MCRIP2: variants seen among roughly 807,000 people sequenced by gnomAD.
MCRIP2 encodes the protein MAPK regulated corepressor interacting protein 2, also known as MAPK regulated co-repressor interacting protein 2.
In MCRIP2, 21 loss-of-function variants were observed where a neutral mutation model predicts 23.2. That is an observed-to-expected ratio of 0.90 (90% CI 0.64 to 1.30). The LOEUF is 1.30. Ranked by LOEUF, MCRIP2 falls within the 50% of genes most tolerant of loss-of-function variation. The pLI is 0.00. For missense variants in MCRIP2, 234 were observed against 223.2 expected (o/e 1.05, Z -0.31); for synonymous variants, 121 against 100.2 (o/e 1.21, Z -1.24).
At chr16:645,059 G>C (rs922431698) in intron 2 of MCRIP2, 2 of 151,898 alleles carry the variant, frequency 1.3e-5, no homozygotes, top group Non-Finnish European at 2.9e-5. Context: ...TCCGGGTTCA[G>C]GCCATTCTCC....
rs893213874 is a variant in MCRIP2 at position 641,875 on chromosome 16, C to T, written c.-117C>T. 4.2e-6 allele frequency: 4 copies of T among 955,840 alleles called. No homozygotes were observed. In the African/African-American group the frequency reaches 6.9e-5, roughly 16 times the overall value. The allele number at this position is 955,840 out of a possible 1,614,324, so 59.2% of individuals were successfully genotyped here. A position where few individuals can be genotyped will look rare whatever the true frequency, so the allele number is the denominator to read the frequency against. On this transcript the variant is annotated 5_prime_UTR_variant, in exon 1 of 5. Transcript: ENST00000307650. ...GAGCCCGTGCGGGCCCTTTAAGGGC[C>T]GGGGGCGTGTAGCGGGCCCGCCCCC...
intron 2 of MCRIP2, chr16:643,196 A>C (rs545729475): frequency 6.6e-6 from 1 of 152,302 alleles, no homozygotes; most frequent in East Asian, 1.9e-4. Context: ...GTGGGCCCCT[A>C]GGTGCTTCCA....
Position 642,176 on chromosome 16 carries a change from C to A in MCRIP2, c.109C>A (p.Pro37Thr). Residue 37 changes from proline to threonine, a missense_variant, in exon 2 of 5, where the codon CCC (proline) becomes ACC (threonine). By Grantham distance (38) the Pro-to-Thr change is conservative (BLOSUM62 -1). Coordinates refer to ENST00000307650, the MANE Select transcript of MCRIP2 (RefSeq NM_138418.4). The stretch of plus-strand genomic sequence containing the variant: ...CGGCGAGCTCCTGAAATGCCGGCAG[C>A]CCGCGCCGCCGACCTCGCAGCCCCC... The part of the protein sequence containing the change: ...RLGELLKCRQ[P>T]APPTSQPPRA... 7.4e-7 allele frequency: 1 copy of A among 1,343,902 alleles called. No homozygotes were observed. The highest frequency in any genetic ancestry group is 1.7e-5 in the South Asian group (1 of 57,482). 83.2% of individuals were successfully genotyped at this position (1,343,902 alleles called of 1,614,324 possible).
chr16:644,961 T>C (rs1285369178), intron 2 of MCRIP2, among the ~76,000 whole-genome samples: 1 of 151,976 alleles, frequency 6.6e-6, no homozygotes, highest in African/African-American at 2.4e-5. Context: ...GTTTTTTTAA[T>C]TTTTATTTTT....
chr16:642,294 C>T, intron 2 of MCRIP2, 45 bp downstream of exon 2: 1 of 1,144,602 alleles, frequency 8.7e-7, no homozygotes, highest in Non-Finnish European at 1.1e-6. Flanking sequence ...GGCTTCCCCT[C>T]CCCCGCCGGC....
chr16:642,473 G>A, intron 2 of MCRIP2: 2 of 287,132 alleles, frequency 7.0e-6, no homozygotes. Context: ...GGCCCCCAGC[G>A]GGGAGAAAGC....
rs752837419 is a variant in MCRIP2 at position 647,436 on chromosome 16, T to A, written c.202T>A (p.Phe68Ile). ...PLSSPGPRLV[F>I]NRVNGRRAPS... ...CTGCAGTCCAGGGCCAAGGCTTGTG[T>A]TCAATCGTGTGAATGGCCGGCGGGC... The change falls in exon 3 of 5, where the codon TTC (phenylalanine) becomes ATC (isoleucine). Residue 68 changes from phenylalanine to isoleucine, a missense_variant. Physicochemically the swap from Phe to Ile is conservative, Grantham distance 21. Transcript: ENST00000307650. The A allele has an allele frequency of 1.7e-5, 28 of 1,613,148 alleles. No individual in the cohort carries two copies. The highest frequency in any genetic ancestry group is 2.4e-5 in the Non-Finnish European group (28 of 1,179,938).
rs569363731 is a variant in MCRIP2 at position 646,555 on chromosome 16, T to C, written c.183-862T>C. The C allele has an allele frequency of 6.6e-6, 1 of 152,286 alleles. No individual in the cohort carries two copies. Among genetic ancestry groups the C allele is most frequent in the African/African-American group, 2.4e-5 (1 of 41,526 alleles). 9.4% of individuals were successfully genotyped at this position (152,286 alleles called of 1,614,324 possible). ...GCAACAGGCCGGCCGGGACCGCGAGTGCCTGGCGGAGCAGGCGCAGCCCAG... is the reference window on the plus strand; with the variant it reads ...GCAACAGGCCGGCCGGGACCGCGAGCGCCTGGCGGAGCAGGCGCAGCCCAG... On this transcript the variant is annotated intron_variant, in intron 2 of 4. Transcript: ENST00000307650. This position sits in a 1 kb window ranked among gnomAD's most constrained non-coding sequence, Gnocchi z 6.5.
intron 2 of MCRIP2, 166 bp downstream of exon 2, chr16:642,415 C>T (rs1184042140): frequency 6.5e-5 from 36 of 551,128 alleles, no homozygotes; most frequent in Middle Eastern, 6.6e-4. Context: ...GCCCACTACG[C>T]GCCCGCGGGC....
intron 3 of MCRIP2, 69 bp from the exon 4 acceptor site, chr16:647,714 A>G: frequency 6.6e-7 from 1 of 1,504,844 alleles, no homozygotes; most frequent in South Asian, 1.2e-5. Flanking sequence ...GTCCAGGGTG[A>G]CCATCAGGCC....
At chr16:644,516 T>C (rs1260411617) in intron 2 of MCRIP2, among the ~76,000 whole-genome samples, 1 of 152,090 alleles carries the variant, frequency 6.6e-6, no homozygotes, top group Non-Finnish European at 1.5e-5. Context: ...CAATCATGGC[T>C]CACTGCAGCC....
rs1046331624 is a variant in MCRIP2 at position 648,392 on chromosome 16, C to G, written c.*202C>G. Reference sequence around the variant, plus strand: ...GGGCCGAACCCGTCTGACCTCAGCCCTGCTCACTGTGCCCAGGGACCAGCG... The same window carrying G: ...GGGCCGAACCCGTCTGACCTCAGCCGTGCTCACTGTGCCCAGGGACCAGCG... On this transcript the variant is annotated 3_prime_UTR_variant, in exon 5 of 5. Transcript: ENST00000307650. The G allele has an allele frequency of 1.7e-6, 1 of 605,510 alleles. No individual in the cohort carries two copies. Among genetic ancestry groups the G allele is most frequent in the African/African-American group, 1.9e-5 (1 of 53,894 alleles). The allele number at this position is 605,510 out of a possible 1,614,324, so 37.5% of individuals were successfully genotyped here. A position where few individuals can be genotyped will look rare whatever the true frequency, so the allele number is the denominator to read the frequency against.
chr16:647,170 C>T lies in MCRIP2; in HGVS notation c.183-247C>T, dbSNP rs1400688155. The T allele has an allele frequency of 2.6e-5, 15 of 580,636 alleles. No homozygotes were observed. In the South Asian group the frequency reaches 2.9e-4, roughly 11 times the overall value. The allele number at this position is 580,636 out of a possible 1,614,324, so 36.0% of individuals were successfully genotyped here. On this transcript the variant is annotated intron_variant, in intron 2 of 4. Transcript: ENST00000307650. The stretch of plus-strand genomic sequence containing the variant: ...GACACTCTAAGACTGAGGCCCCCAC[C>T]CTACAGTCACTCACTTCCCTCAGGA...
At chr16:647,172 TAC>T in intron 2 of MCRIP2, 1 of 580,942 alleles carries the variant, frequency 1.7e-6, no homozygotes, top group Non-Finnish European at 3.1e-6. Context: ...GCCCCCACCC[TAC>T]AGTCACTCAC....
chr16:647,906 C>T, intron 4 of MCRIP2, 22 bp downstream of exon 4: 1 of 1,358,760 alleles, frequency 7.4e-7, no homozygotes, highest in Non-Finnish European at 1.0e-6. Context: ...AACCCTGTCC[C>T]CCCAGGAGAG....
Position 641,832 on chromosome 16 carries a change from C to A in MCRIP2, c.-160C>A. The A allele has an allele frequency of 1.7e-6, 1 of 587,000 alleles. No homozygotes were observed. Among genetic ancestry groups the A allele is most frequent in the Non-Finnish European group, 2.5e-6 (1 of 407,242 alleles). 36.4% of individuals were successfully genotyped at this position (587,000 alleles called of 1,614,324 possible). On this transcript the variant is annotated 5_prime_UTR_variant, in exon 1 of 5. Transcript: ENST00000307650. Reference sequence around the variant, plus strand: ...AAGGGCGCAAGCGCCGCCTCCGCCGCGTGTCCGGGGTCAGCCCGAGCCCGT... The same window carrying A: ...AAGGGCGCAAGCGCCGCCTCCGCCGAGTGTCCGGGGTCAGCCCGAGCCCGT...
At chr16:644,227 G>T (rs557734790) in intron 2 of MCRIP2, among the ~76,000 whole-genome samples, 1 of 152,176 alleles carries the variant, frequency 6.6e-6, no homozygotes, top group African/African-American at 2.4e-5. Context: ...GATTACAGGC[G>T]TGCACTGCCA....
chr16:643,992 G>C (rs1321740361), intron 2 of MCRIP2, among the ~76,000 whole-genome samples: 1 of 152,156 alleles, frequency 6.6e-6, no homozygotes, highest in Admixed American at 6.5e-5. Context: ...CCCACCCCCA[G>C]GCCCCAGCGC....
Position 648,141 on chromosome 16 carries a change from A to T in MCRIP2, c.434A>T (p.Asp145Val), listed in dbSNP as rs1318495881. The stretch of plus-strand genomic sequence containing the variant: ...ACAGACTTTGTGCCCATTGACCTAG[A>T]CGAGTGGTGGGCGCAGCAGTTCCTG... ...RLQNFVPIDL[D>V]EWWAQQFLAR... Residue 145 changes from aspartate (D) to valine (V), a missense_variant, in exon 5 of 5, where the codon GAC (aspartate) becomes GTC (valine). Coordinates refer to ENST00000307650, the MANE Select transcript of MCRIP2 (RefSeq NM_138418.4). 3.1e-6 allele frequency: 5 copies of T among 1,610,578 alleles called. No homozygotes were observed. Among genetic ancestry groups the T allele is most frequent in the Non-Finnish European group, 4.2e-6 (5 of 1,178,696 alleles).
Sources: gnomAD v4.1 joint callset for allele counts (sites outside exome capture counted in the v4.1 genomes callset) on GRCh38, gnomAD v4.1.1 for gene constraint, Gnocchi (gnomAD v3.1) non-coding constraint, MANE v1.5 for transcripts, NCBI Gene and HGNC (gene_info 2026-07-23, HGNC 2026-07-21) for gene names.